The following RPS6KC1 variants were observed in gnomAD, a reference collection of about 807,000 sequenced individuals.
RPS6KC1 encodes the protein inactive ribosomal protein S6 kinase delta-1.
RPS6KC1 carries 54 observed loss-of-function variants against 103.8 expected under a neutral mutation model. The ratio of observed to expected loss-of-function variants is 0.52; its 90% CI spans 0.42 to 0.65. RPS6KC1 has a LOEUF of 0.65. Among genes scored for constraint, RPS6KC1 ranks in the 30% least tolerant of loss-of-function variants. The pLI, the probability that RPS6KC1 is intolerant of heterozygous loss-of-function variation, is 0.00. For synonymous variants in RPS6KC1, 439 were observed against 438.7 expected (o/e 1.00, Z -0.01); for missense variants, 1,151 against 1,253.8 (o/e 0.92, Z 1.24).
At chr1:213,687,318 G>T in the RPS6KC1 span, among the ~76,000 whole-genome samples, 182 of 152,252 alleles carry the variant, frequency 1.2e-3, 1 homozygote, top group East Asian at 0.031. Context: ...AACACAGAAG[G>T]TCTCATTGCT....
At chr1:213,745,520 G>A in the RPS6KC1 span, among the ~76,000 whole-genome samples, 3 of 152,038 alleles carry the variant, frequency 2.0e-5, no homozygotes, top group Non-Finnish European at 1.5e-5. Flanking sequence ...TGATGTGAAC[G>A]CAGTGGATTT....
At chr1:213,473,469 G>A in the RPS6KC1 span, among the ~76,000 whole-genome samples, 1 of 152,210 alleles carries the variant, frequency 6.6e-6, no homozygotes, top group Non-Finnish European at 1.5e-5. Flanking sequence ...GATGAAGTGG[G>A]AGTATGTACC....
the RPS6KC1 span, among the ~76,000 whole-genome samples, chr1:213,732,832 C>G: frequency 6.6e-6 from 1 of 152,104 alleles, no homozygotes; most frequent in Non-Finnish European, 1.5e-5. Context: ...CCCTAGTAAC[C>G]ATCATTCTAC....
chr1:213,630,428 A>G, the RPS6KC1 span, among the ~76,000 whole-genome samples: 1 of 152,196 alleles, frequency 6.6e-6, no homozygotes, highest in East Asian at 1.9e-4. Flanking sequence ...TTTCAGCTCC[A>G]TCAGGTCCTT....
In RPS6KC1 at chr1:213,137,751, T is replaced by TGCTC. The variant is rs1558395033; in HGVS notation, c.835+7863_835+7866dup. On this transcript the variant is annotated intron_variant, in intron 6 of 14. Coordinates refer to ENST00000366960, the MANE Select transcript of RPS6KC1 (RefSeq NM_012424.6). The stretch of plus-strand genomic sequence containing the variant: ...CCTGTGCTTTGGTTTAAGTCCAGTT[T>TGCTC]GCTCTCTCTCTCTCTCTCTCTCTCT... Among the ~76,000 whole-genome samples the TGCTC allele has an allele frequency of 9.8e-5, 3 of 30,560 alleles. 1 individual carries two copies. The highest frequency in any genetic ancestry group is 1.3e-4 in the African/African-American group (2 of 15,140). The allele number at this position is 30,560 out of a possible 152,430, so 20.0% of individuals were successfully genotyped here. A position where few individuals can be genotyped will look rare whatever the true frequency, so the allele number is the denominator to read the frequency against.
the RPS6KC1 span, among the ~76,000 whole-genome samples, chr1:213,363,703 C>CTTCTTTCTTTCTTTCT: frequency 1.7e-4 from 3 of 17,400 alleles, no homozygotes; most frequent in South Asian, 1.5e-3. Context: ...TCTTTCTTTC[C>CTTCTTTCTTTCTTTCT]TTCTTTCTTT....
chr1:213,478,367 T>C, the RPS6KC1 span, among the ~76,000 whole-genome samples: 1 of 152,152 alleles, frequency 6.6e-6, no homozygotes, highest in Non-Finnish European at 1.5e-5. Context: ...CTCATTTGGA[T>C]AAATATCAAG....
chr1:213,283,729 G>T, the RPS6KC1 span, among the ~76,000 whole-genome samples: 3 of 152,146 alleles, frequency 2.0e-5, no homozygotes, highest in African/African-American at 7.2e-5. Flanking sequence ...GAGATTGCTG[G>T]GAGTGGAATT....
At chr1:213,381,473 G>A in the RPS6KC1 span, among the ~76,000 whole-genome samples, 1 of 151,964 alleles carries the variant, frequency 6.6e-6, no homozygotes. Flanking sequence ...ATGAGAGGAG[G>A]GGGGCAGGAG....
At chr1:213,090,984 G>T (rs905564502) in intron 3 of RPS6KC1, among the ~76,000 whole-genome samples, 1 of 152,164 alleles carries the variant, frequency 6.6e-6, no homozygotes, top group Non-Finnish European at 1.5e-5. Context: ...TATTCAGCCT[G>T]TTGAGATATG....
chr1:213,327,507 C>A, the RPS6KC1 span, among the ~76,000 whole-genome samples: 9 of 152,122 alleles, frequency 5.9e-5, no homozygotes, highest in Non-Finnish European at 1.2e-4. Context: ...GCCTGACTTG[C>A]GGGTGGTCTT....
chr1:213,721,991 C>T, the RPS6KC1 span, among the ~76,000 whole-genome samples: 1 of 152,134 alleles, frequency 6.6e-6, no homozygotes, highest in Non-Finnish European at 1.5e-5. Flanking sequence ...CTGAGAAAAG[C>T]TTCTCCCCTC....
chr1:213,847,060 T>C, the RPS6KC1 span, among the ~76,000 whole-genome samples: 3 of 152,348 alleles, frequency 2.0e-5, no homozygotes, highest in South Asian at 4.1e-4. Flanking sequence ...AGATTAATCA[T>C]GGCATTATTA....
chr1:213,602,026 TTC>T, the RPS6KC1 span, among the ~76,000 whole-genome samples: 758 of 16,700 alleles, frequency 0.045, 125 homozygotes, highest in African/African-American at 0.079. Context: ...CTTTCTTTCT[TTC>T]TCTTTCTCTT....
the RPS6KC1 span, among the ~76,000 whole-genome samples, chr1:213,824,026 G>T: frequency 1.3e-5 from 2 of 152,154 alleles, no homozygotes; most frequent in African/African-American, 4.8e-5. Context: ...CTCTAGCGAT[G>T]CTATCCATAG....
At chr1:213,672,874 A>G in the RPS6KC1 span, among the ~76,000 whole-genome samples, 6 of 152,104 alleles carry the variant, frequency 3.9e-5, no homozygotes, top group African/African-American at 1.4e-4. Flanking sequence ...AGTTGCTGGC[A>G]TTTCCATCCA....
chr1:213,294,665 A>G, the RPS6KC1 span, among the ~76,000 whole-genome samples: 1 of 152,194 alleles, frequency 6.6e-6, no homozygotes, highest in Non-Finnish European at 1.5e-5. Context: ...CAGCCAGAAC[A>G]GTTCCATGCC....
At chr1:213,641,914 T>A in the RPS6KC1 span, among the ~76,000 whole-genome samples, 1 of 150,850 alleles carries the variant, frequency 6.6e-6, no homozygotes, top group Non-Finnish European at 1.5e-5. Flanking sequence ...AAGAAAGTTA[T>A]CCTCCCTTCA....
At chr1:213,575,721 A>T in the RPS6KC1 span, among the ~76,000 whole-genome samples, 14,767 of 152,186 alleles carry the variant, frequency 0.097, 834 homozygotes, top group Non-Finnish European at 0.12. Context: ...GAACAGAGTC[A>T]TACACCGGGA....
Sources: allele counts gnomAD v4.1 joint callset (sites outside exome capture counted in the v4.1 genomes callset), GRCh38; gene constraint gnomAD v4.1.1; transcripts MANE v1.5; gene names NCBI Gene and HGNC (gene_info 2026-07-23, HGNC 2026-07-21).